Variants in TNFAIP8 observed in about 807,000 individuals in gnomAD.
TNFAIP8 encodes tumor necrosis factor alpha-induced protein 8.
TNFAIP8 carries 7 observed loss-of-function variants against 13.3 expected under a neutral mutation model. That is an observed-to-expected ratio of 0.52 (90% CI 0.30 to 0.99). The LOEUF (loss-of-function observed/expected upper bound fraction) is 0.99, where lower values mean the gene tolerates loss of function less well. TNFAIP8 is among the 50% of genes least tolerant of loss of function. The pLI is 0.07. For missense variants in TNFAIP8, 258 were observed against 236.9 expected, an observed-to-expected ratio of 1.09 and a Z score of -0.58; for synonymous variants, 94 against 87.6, an observed-to-expected ratio of 1.07 and a Z score of -0.41.
intron 1 of TNFAIP8, among the ~76,000 whole-genome samples, chr5:119,330,496 C>G (rs1321122201): frequency 6.6e-6 from 1 of 152,152 alleles, no homozygotes; most frequent in Non-Finnish European, 1.5e-5. Flanking sequence ...GCATGTGTGT[C>G]TAGAGATTGT....
At chr5:119,319,915 C>T (rs1165042006) in intron 1 of TNFAIP8, among the ~76,000 whole-genome samples, 3 of 152,202 alleles carry the variant, frequency 2.0e-5, no homozygotes, top group Non-Finnish European at 4.4e-5. Context: ...AGGGATTAGA[C>T]ATGTTCTGTG....
At chr5:119,304,419 C>G (rs948160219) in intron 1 of TNFAIP8, among the ~76,000 whole-genome samples, 1 of 152,242 alleles carries the variant, frequency 6.6e-6, no homozygotes, top group Non-Finnish European at 1.5e-5. Context: ...GGCACTCACT[C>G]TGTGCTTTTG....
intron 1 of TNFAIP8, among the ~76,000 whole-genome samples, chr5:119,341,457 G>A (rs908295209): frequency 6.6e-6 from 1 of 152,140 alleles, no homozygotes; most frequent in African/African-American, 2.4e-5. Flanking sequence ...GGTGGGTTCG[G>A]TCCCAAGGCT....
intron 1 of TNFAIP8, among the ~76,000 whole-genome samples, chr5:119,276,418 TG>T (rs973341068): frequency 2.6e-5 from 4 of 152,148 alleles, no homozygotes; most frequent in African/African-American, 9.7e-5. Flanking sequence ...GCACCTGGCC[TG>T]TAAGTTCTGT....
chr5:119,285,246 T>C (rs905794824), intron 1 of TNFAIP8, among the ~76,000 whole-genome samples: 1 of 152,154 alleles, frequency 6.6e-6, no homozygotes, highest in South Asian at 2.1e-4. Flanking sequence ...ATCTAAGAAA[T>C]GTGAGTTGTC....
At chr5:119,295,228 TA>T (rs1749136313) in intron 1 of TNFAIP8, among the ~76,000 whole-genome samples, 1 of 49,202 alleles carries the variant, frequency 2.0e-5, no homozygotes, top group Non-Finnish European at 3.7e-5. Context: ...AGTCTAACGT[TA>T]GACCTATAGG....
At chr5:119,315,508 C>G (rs28704785) in intron 1 of TNFAIP8, among the ~76,000 whole-genome samples, 2 of 152,168 alleles carry the variant, frequency 1.3e-5, no homozygotes, top group African/African-American at 4.8e-5. Flanking sequence ...TTGGCATAAC[C>G]AGTAGATTGG....
intron 1 of TNFAIP8, among the ~76,000 whole-genome samples, chr5:119,387,649 T>G (rs1163193648): frequency 5.3e-5 from 8 of 152,248 alleles, no homozygotes; most frequent in Admixed American, 5.2e-4. Flanking sequence ...TCTTGAATAT[T>G]TGGGTCAGTA....
upstream of TNFAIP8, chr5:119,355,405 G>C: frequency 1.4e-6 from 1 of 701,244 alleles, no homozygotes; most frequent in Non-Finnish European, 2.6e-6. Context: ...AAGGGTGGAG[G>C]CCGCTCCACT....
rs1428157082 is a variant in TNFAIP8 at position 119,392,620 on chromosome 5, G to C, written c.32-196G>C. Reference sequence around the variant, plus strand: ...GCCCACCTCAGTCTCCCAAAGTGTTGGGATTACAGGTGTGAGCCACTCCAC... The same window carrying C: ...GCCCACCTCAGTCTCCCAAAGTGTTCGGATTACAGGTGTGAGCCACTCCAC... On this transcript the variant is annotated intron_variant, in intron 1 of 1. Transcript: ENST00000504771. 2.0e-5 allele frequency among the ~76,000 whole-genome samples: 3 copies of C among 152,186 alleles called. No homozygotes were observed. In the East Asian group the frequency reaches 5.8e-4, roughly 29 times the overall value.
In TNFAIP8 at chr5:119,297,489, G is replaced by A. The variant is rs576155312; in HGVS notation, c.1+28582G>A. 6.1e-3 allele frequency among the ~76,000 whole-genome samples: 936 copies of A among 152,196 alleles called. 8 individuals are homozygous for A. Among genetic ancestry groups the A allele is most frequent in the African/African-American group, 0.022 (899 of 41,526 alleles). On this transcript the variant is annotated intron_variant, in intron 1 of 1. Coordinates refer to the TNFAIP8 transcript ENST00000274456. ...TGAGAGACAGTTTGTTATAATTTCT[G>A]TTCTTTTACATTTGCTGAGGAGAGC...
At chr5:119,332,929 G>T (rs1427483497) in intron 1 of TNFAIP8, among the ~76,000 whole-genome samples, 1 of 152,146 alleles carries the variant, frequency 6.6e-6, no homozygotes, top group African/African-American at 2.4e-5. Flanking sequence ...AAAGGCTGAT[G>T]ATTTTAAGTA....
At chr5:119,285,510 AG>A (rs1748754056) in intron 1 of TNFAIP8, among the ~76,000 whole-genome samples, 1 of 152,228 alleles carries the variant, frequency 6.6e-6, no homozygotes, top group Non-Finnish European at 1.5e-5. Flanking sequence ...AGGAGGCTCC[AG>A]AACTACAAAA....
At chr5:119,285,882 C>T (rs1748762783) in intron 1 of TNFAIP8, among the ~76,000 whole-genome samples, 1 of 152,094 alleles carries the variant, frequency 6.6e-6, no homozygotes, top group Non-Finnish European at 1.5e-5. Context: ...ATGGAAAGAT[C>T]TCCAAGACAG....
At chr5:119,390,942 C>A (rs79272926) in intron 1 of TNFAIP8, among the ~76,000 whole-genome samples, 25,518 of 151,658 alleles carry the variant, frequency 0.17, 2,757 homozygotes, top group Non-Finnish European at 0.23. Context: ...CCTCCAACTC[C>A]CTAGTAACTG....
intron 1 of TNFAIP8, among the ~76,000 whole-genome samples, chr5:119,303,186 A>G (rs1018430299): frequency 6.6e-6 from 1 of 152,202 alleles, no homozygotes; most frequent in African/African-American, 2.4e-5. Context: ...CAATTCAATT[A>G]GAGATAACTT....
upstream of TNFAIP8, among the ~76,000 whole-genome samples, chr5:119,353,599 G>A (rs757503634): frequency 7.2e-5 from 11 of 152,240 alleles, no homozygotes; most frequent in African/African-American, 2.7e-4. Context: ...TCCTGAGGCC[G>A]ATGGTGAATG....
chr5:119,305,266 A>T (rs1329704512), intron 1 of TNFAIP8, among the ~76,000 whole-genome samples: 2 of 152,174 alleles, frequency 1.3e-5, no homozygotes, highest in Non-Finnish European at 2.9e-5. Flanking sequence ...TCAAATGACT[A>T]TTTTCTTAAT....
intron 1 of TNFAIP8, among the ~76,000 whole-genome samples, chr5:119,390,042 G>A (rs971540960): frequency 1.3e-5 from 2 of 152,172 alleles, no homozygotes; most frequent in Non-Finnish European, 1.5e-5. Context: ...TAGCTGAGAA[G>A]AGGTGTAAAC....
Sources: gnomAD v4.1 joint callset for allele counts (sites outside exome capture counted in the v4.1 genomes callset) on GRCh38, gnomAD v4.1.1 for gene constraint, MANE v1.5 for transcripts, NCBI Gene and HGNC (gene_info 2026-07-23, HGNC 2026-07-21) for gene names.